The following KCNH7 variants were observed in gnomAD, a reference collection of about 807,000 sequenced individuals.
The protein encoded by KCNH7 is potassium voltage-gated channel subfamily H member 7, also known as voltage-gated inwardly rectifying potassium channel KCNH7.
KCNH7 carries 49 observed loss-of-function variants against 120.8 expected under a neutral mutation model. The ratio of observed to expected loss-of-function variants is 0.41; its 90% CI spans 0.32 to 0.51. The LOEUF is 0.51. Among genes scored for constraint, KCNH7 ranks in the 20% least tolerant of loss-of-function variants. The pLI is 0.38. For synonymous variants in KCNH7, 547 were observed against 516.1 expected, an observed-to-expected ratio of 1.06 and a Z score of -0.81; for missense variants, 1,097 against 1,446.6, an observed-to-expected ratio of 0.76 and a Z score of 3.92.
At chr2:162,452,173 G>C (rs528571817) in intron 6 of KCNH7, among the ~76,000 whole-genome samples, 23 of 152,122 alleles carry the variant, frequency 1.5e-4, no homozygotes, top group South Asian at 6.2e-4. Flanking sequence ...AAGAAGGAGA[G>C]AGAAGGTCTG....
chr2:162,780,199 T>C (rs1261949515), intron 2 of KCNH7, among the ~76,000 whole-genome samples: 1 of 152,188 alleles, frequency 6.6e-6, no homozygotes, highest in Non-Finnish European at 1.5e-5. Context: ...AAAGATGTTA[T>C]TTTCCTCCAC....
chr2:162,409,610 A>C (rs1687327274), intron 9 of KCNH7, among the ~76,000 whole-genome samples: 1 of 152,002 alleles, frequency 6.6e-6, no homozygotes, highest in Non-Finnish European at 1.5e-5. Context: ...AAGAAAGAGA[A>C]ATAAAAGGCA....
At chr2:162,836,344 C>T (rs535423787) in intron 2 of KCNH7, among the ~76,000 whole-genome samples, 193 bp downstream of exon 2, 2 of 152,086 alleles carry the variant, frequency 1.3e-5, no homozygotes, top group South Asian at 4.1e-4. Context: ...TTACAGTACC[C>T]TTATTCAAAG....
Position 162,371,904 on chromosome 2 carries a change from T to A in KCNH7, c.3516A>T (p.Pro1172=). Residue 1172 remains proline, a synonymous_variant, in exon 16 of 16, where the codon CCA becomes CCT. Coordinates refer to ENST00000332142, the MANE Select transcript of KCNH7 (RefSeq NM_033272.4). ...YVHPIRHPSL[P]DSSLSTVGIV... ...TTCCTACAGTGCTTAGGGATGAATC[T>A]GGCAAAGAAGGATGCCTAATTGGAT... is the stretch of plus-strand genomic sequence containing the variant. 1 of 1,613,876 alleles carries A rather than the reference T, an allele frequency of 6.2e-7. No homozygotes were observed. The highest frequency in any genetic ancestry group is 1.1e-5 in the South Asian group (1 of 91,076).
At chr2:162,827,058 C>A (rs777072316) in intron 2 of KCNH7, among the ~76,000 whole-genome samples, 2 of 151,978 alleles carry the variant, frequency 1.3e-5, no homozygotes, top group Non-Finnish European at 2.9e-5. Context: ...GGATGACAGC[C>A]TTTAGGAGGA....
At chr2:162,676,264 A>C (rs1220023616) in intron 2 of KCNH7, among the ~76,000 whole-genome samples, 22 of 151,540 alleles carry the variant, frequency 1.5e-4, no homozygotes, top group Non-Finnish European at 1.5e-5. Context: ...TTAGTATATA[A>C]AAAAGTTTGT....
chr2:162,653,944 C>T (rs1260535012), intron 2 of KCNH7, among the ~76,000 whole-genome samples: 1 of 152,042 alleles, frequency 6.6e-6, no homozygotes, highest in African/African-American at 2.4e-5. Context: ...CATCCACATG[C>T]AGAAGAATAA....
rs557947265 is a variant in KCNH7 at position 162,682,973 on chromosome 2, G to A, written c.308-145893C>T. On this transcript the variant is annotated intron_variant, in intron 2 of 15. Coordinates refer to ENST00000332142, the MANE Select transcript of KCNH7 (RefSeq NM_033272.4). The stretch of plus-strand genomic sequence containing the variant: ...ACTGAATTTGGCTTGCTTAATATAG[G>A]ATAGTCTAATTTTTTTATTTCTTCT... Among the ~76,000 whole-genome samples the A allele has an allele frequency of 4.6e-5, 7 of 151,908 alleles. No homozygotes were observed. In the South Asian group the frequency reaches 1.2e-3, roughly 27 times the overall value.
At chr2:162,511,059 C>T (rs1221087155) in intron 5 of KCNH7, among the ~76,000 whole-genome samples, 1 of 151,364 alleles carries the variant, frequency 6.6e-6, no homozygotes, top group African/African-American at 2.4e-5. Flanking sequence ...AAATTGTGAT[C>T]GTAAAATTGA....
chr2:162,644,606 G>A (rs1001416963), intron 2 of KCNH7, among the ~76,000 whole-genome samples: 13 of 152,178 alleles, frequency 8.5e-5, no homozygotes, highest in Non-Finnish European at 1.6e-4. Flanking sequence ...GCTAGTAAGA[G>A]ATAATGGCCA....
chr2:162,543,855 A>T (rs542557248), intron 2 of KCNH7, among the ~76,000 whole-genome samples: 34 of 152,164 alleles, frequency 2.2e-4, no homozygotes, highest in Non-Finnish European at 3.8e-4. Flanking sequence ...GGCATAAAAG[A>T]TGTTAGCAAT....
chr2:162,405,704 G>A (rs1297884415), intron 9 of KCNH7, among the ~76,000 whole-genome samples: 1 of 151,898 alleles, frequency 6.6e-6, no homozygotes, highest in Non-Finnish European at 1.5e-5. Flanking sequence ...TTTGATGTAT[G>A]TGCTTATCAA....
At chr2:162,804,887 A>G (rs1684485978) in intron 2 of KCNH7, among the ~76,000 whole-genome samples, 1 of 151,796 alleles carries the variant, frequency 6.6e-6, no homozygotes, top group African/African-American at 2.4e-5. Context: ...TAACATCTTA[A>G]TGATATAGAC....
chr2:162,684,170 C>T (rs564429557), intron 2 of KCNH7, among the ~76,000 whole-genome samples: 2 of 152,216 alleles, frequency 1.3e-5, no homozygotes, highest in Non-Finnish European at 2.9e-5. Flanking sequence ...AACTGGACCC[C>T]TTCCTTACCC....
intron 2 of KCNH7, among the ~76,000 whole-genome samples, chr2:162,702,882 T>G (rs886555044): frequency 6.6e-6 from 1 of 152,274 alleles, no homozygotes; most frequent in African/African-American, 2.4e-5. Flanking sequence ...GAATATTTTC[T>G]TTCTTCCTAA....
At chr2:162,670,723 A>C (rs970167277) in intron 2 of KCNH7, among the ~76,000 whole-genome samples, 1 of 151,862 alleles carries the variant, frequency 6.6e-6, no homozygotes, top group Non-Finnish European at 1.5e-5. Flanking sequence ...GAAAAAAATG[A>C]AATAAGACCA....
At chr2:162,626,175 A>G (rs1444601059) in intron 2 of KCNH7, among the ~76,000 whole-genome samples, 1 of 152,186 alleles carries the variant, frequency 6.6e-6, no homozygotes, top group Admixed American at 6.5e-5. Flanking sequence ...CTCAAATACA[A>G]AACACTAACT....
intron 2 of KCNH7, among the ~76,000 whole-genome samples, chr2:162,606,582 A>C (rs1682780219): frequency 6.6e-6 from 1 of 152,200 alleles, no homozygotes; most frequent in East Asian, 1.9e-4. Context: ...GAAGCAATAC[A>C]AATGGCTTAT....
At chr2:162,484,984 C>T (rs745528412) in intron 6 of KCNH7, among the ~76,000 whole-genome samples, 2 of 152,142 alleles carry the variant, frequency 1.3e-5, no homozygotes, top group Non-Finnish European at 2.9e-5. Flanking sequence ...TTTACCCAGC[C>T]TCAGGTATTC....
Sources: allele counts gnomAD v4.1 joint callset (sites outside exome capture counted in the v4.1 genomes callset), GRCh38; gene constraint gnomAD v4.1.1; transcripts MANE v1.5; gene names NCBI Gene and HGNC (gene_info 2026-07-23, HGNC 2026-07-21).